EFCAB13: variants seen among roughly 807,000 people sequenced by gnomAD.
EFCAB13 encodes the protein EF-hand calcium-binding domain-containing protein 13.
A neutral mutation model predicts 110.2 loss-of-function variants in EFCAB13; 91 were observed. That is an observed-to-expected ratio of 0.83 (90% confidence interval 0.70 to 0.98). EFCAB13 has a LOEUF of 0.98. Among genes scored for constraint, EFCAB13 ranks in the 50% least tolerant of loss-of-function variants. EFCAB13 has a pLI of 0.00. For synonymous variants in EFCAB13, 323 were observed against 369.9 expected (o/e 0.87, Z 1.45); for missense variants, 968 against 1,119.4 (o/e 0.86, Z 1.93).
At chr17:47,335,671 G>A (rs770561435) in intron 5 of EFCAB13, among the ~76,000 whole-genome samples, 7 of 152,166 alleles carry the variant, frequency 4.6e-5, no homozygotes, top group Admixed American at 1.3e-4. Flanking sequence ...AGACTTTACA[G>A]GAAGCGAGGC....
chr17:47,351,318 C>CGT (rs1555578798), intron 9 of EFCAB13, among the ~76,000 whole-genome samples: 4 of 34,234 alleles, frequency 1.2e-4, no homozygotes, highest in African/African-American at 2.7e-4. Flanking sequence ...CGCGCGCGCG[C>CGT]GCGCGCGCGC....
At chr17:47,410,570 CA>C (rs1422126831) in intron 21 of EFCAB13, among the ~76,000 whole-genome samples, 4 of 152,194 alleles carry the variant, frequency 2.6e-5, no homozygotes, top group African/African-American at 9.7e-5. Context: ...GTCCAAATTC[CA>C]GAGTCTCATC....
intron 17 of EFCAB13, among the ~76,000 whole-genome samples, chr17:47,399,913 G>C (rs576138224): frequency 3.9e-4 from 59 of 152,274 alleles, no homozygotes; most frequent in Non-Finnish European, 7.4e-4. Flanking sequence ...GAAGAAAGTT[G>C]GTGTTGAGCA....
intron 16 of EFCAB13, among the ~76,000 whole-genome samples, chr17:47,395,367 G>A (rs561884384): frequency 1.3e-5 from 2 of 152,260 alleles, no homozygotes; most frequent in Non-Finnish European, 1.5e-5. Flanking sequence ...TTACAAATTT[G>A]TAGTAAGATA....
chr17:47,379,169 T>A lies in EFCAB13; in HGVS notation c.1511-13T>A. ...ACACCAGAATGTATAATCTAAACTC[T>A]TTTTAAAAACAGAGAATGGAATGGT... is the stretch of plus-strand genomic sequence containing the variant. On this transcript the variant is annotated splice_polypyrimidine_tract_variant and intron_variant, in intron 13 of 24. Coordinates refer to ENST00000331493, the MANE Select transcript of EFCAB13 (RefSeq NM_152347.5). 6.2e-7 allele frequency: 1 copy of A among 1,610,356 alleles called. No individual in the cohort carries two copies. The highest frequency in any genetic ancestry group is 8.5e-7 in the Non-Finnish European group (1 of 1,177,062).
intron 14 of EFCAB13, among the ~76,000 whole-genome samples, chr17:47,391,121 G>A (rs1181678977): frequency 6.6e-6 from 1 of 151,894 alleles, no homozygotes; most frequent in Non-Finnish European, 1.5e-5. Context: ...TTATTTTTTT[G>A]TGGAGACAGG....
At chr17:47,376,923 T>A (rs2065618606) in intron 12 of EFCAB13, among the ~76,000 whole-genome samples, 2 of 152,178 alleles carry the variant, frequency 1.3e-5, no homozygotes, top group Admixed American at 1.3e-4. Flanking sequence ...ACAAATAAAT[T>A]CAGGTTATGC....
chr17:47,411,832 C>G (rs973539074), intron 21 of EFCAB13, among the ~76,000 whole-genome samples: 2 of 152,188 alleles, frequency 1.3e-5, no homozygotes, highest in African/African-American at 4.8e-5. Context: ...TGTCTGATGC[C>G]TGTAATCTCA....
At chr17:47,375,737 G>C (rs1252879863) in intron 12 of EFCAB13, among the ~76,000 whole-genome samples, 4 of 152,116 alleles carry the variant, frequency 2.6e-5, no homozygotes, top group African/African-American at 9.7e-5. Flanking sequence ...ATATTTCCTA[G>C]AAAGTAGAAG....
Position 47,422,154 on chromosome 17 carries a change from TAAA to T in EFCAB13, c.2494+7238_2494+7240del, listed in dbSNP as rs529942742. Reference sequence around the variant, plus strand: ...CAATATTGGTATTAATTAACAAAAATAAAAATAATTCTTCATATTACAAAATAA... The same window carrying T: ...CAATATTGGTATTAATTAACAAAAATAATAATTCTTCATATTACAAAATAA... On this transcript the variant is annotated intron_variant, in intron 23 of 24. Transcript: ENST00000331493. Among the ~76,000 whole-genome samples the T allele has an allele frequency of 3.5e-3, 527 of 152,202 alleles. 2 individuals carry two copies. The highest frequency in any genetic ancestry group is 4.3e-3 in the Non-Finnish European group (291 of 67,978).
At chr17:47,341,120 G>A (rs1014156347) in intron 5 of EFCAB13, among the ~76,000 whole-genome samples, 1 of 151,956 alleles carries the variant, frequency 6.6e-6, no homozygotes, top group Non-Finnish European at 1.5e-5. Context: ...CCTGACTGTG[G>A]AAAATCTACA....
chr17:47,354,059 G>A (rs1202952465), intron 9 of EFCAB13, among the ~76,000 whole-genome samples: 7 of 152,006 alleles, frequency 4.6e-5, no homozygotes, highest in Admixed American at 4.6e-4. Context: ...GTATCCCAGA[G>A]GTTTTGATAG....
rs1024516276 is a variant in EFCAB13 at position 47,346,169 on chromosome 17, C to T, written c.517+1071C>T. Among the ~76,000 whole-genome samples, 39 of 152,212 alleles carry T rather than the reference C, an allele frequency of 2.6e-4. 1 individual carries two copies. In the South Asian group the frequency reaches 2.7e-3, roughly 11 times the overall value. ...TATAGAACTTATTCATCTTGTGTAA[C>T]TGAAATTTTATACTCACTGATTAGC... On this transcript the variant is annotated intron_variant, in intron 8 of 24. Transcript: ENST00000331493.
At chr17:47,390,914 GTCTA>G (rs1555583667) in intron 14 of EFCAB13, among the ~76,000 whole-genome samples, 54 of 150,264 alleles carry the variant, frequency 3.6e-4, no homozygotes, top group South Asian at 3.2e-3. Flanking sequence ...GTGTCTGTCT[GTCTA>G]TCTATCTATC....
At chr17:47,394,362 A>T (rs1178913193) in intron 16 of EFCAB13, among the ~76,000 whole-genome samples, 3 of 152,200 alleles carry the variant, frequency 2.0e-5, no homozygotes, top group African/African-American at 7.2e-5. Context: ...GGCTAGAACC[A>T]TGTATAGCAT....
intron 23 of EFCAB13, among the ~76,000 whole-genome samples, chr17:47,417,544 C>T (rs1209594614): frequency 6.6e-6 from 1 of 152,214 alleles, no homozygotes; most frequent in Non-Finnish European, 1.5e-5. Flanking sequence ...TCTTCTATGC[C>T]TTCTTCCTTA....
rs1020475840 is a variant in EFCAB13, at chr17:47,377,843, A to T, written c.1450A>T (p.Thr484Ser). The T allele has an allele frequency of 2.6e-5, 42 of 1,597,852 alleles. No individual in the cohort carries two copies. Among genetic ancestry groups the T allele is most frequent in the Middle Eastern group, 1.7e-4 (1 of 6,040 alleles). ...AGAACTTCAGTCTATTTTGCCTTCA[A>T]CAGGAATTAATTTATTAGATGAAGA... ...AEELQSILPS[T>S]GINLLDEEFQ... is the part of the protein sequence containing the mutation. Residue 484 changes from threonine (T) to serine (S), a missense_variant, in exon 13 of 25, where the codon ACA becomes TCA. Transcript: ENST00000331493.
At chr17:47,413,157 G>A (rs1485626883) in intron 22 of EFCAB13, among the ~76,000 whole-genome samples, 1 of 152,064 alleles carries the variant, frequency 6.6e-6, no homozygotes, top group African/African-American at 2.4e-5. Flanking sequence ...ATAAGCATGG[G>A]TGGAAAAATA....
intron 5 of EFCAB13, among the ~76,000 whole-genome samples, chr17:47,338,247 T>A (rs2065362755): frequency 6.6e-6 from 1 of 151,518 alleles, no homozygotes; most frequent in South Asian, 2.1e-4. Flanking sequence ...CTACTAGTTT[T>A]TTTTTTTTTT....
Sources: allele counts gnomAD v4.1 joint callset (sites outside exome capture counted in the v4.1 genomes callset), GRCh38; gene constraint gnomAD v4.1.1; transcripts MANE v1.5; gene names NCBI Gene and HGNC (gene_info 2026-07-23, HGNC 2026-07-21).